Variants in RALGPS2 observed in about 807,000 individuals in gnomAD.
The protein encoded by RALGPS2 is ras-specific guanine nucleotide-releasing factor RalGPS2.
A neutral mutation model predicts 86.8 loss-of-function variants in RALGPS2; 43 were observed. That is an observed-to-expected ratio of 0.50 (90% CI 0.39 to 0.64). RALGPS2 has a LOEUF of 0.64. RALGPS2 is among the 30% of genes least tolerant of loss of function. RALGPS2 has a pLI of 0.00. For missense variants in RALGPS2, 536 were observed against 694.6 expected (o/e 0.77, Z 2.57); for synonymous variants, 243 against 231.3 (o/e 1.05, Z -0.46).
intron 1 of RALGPS2, chr1:178,753,625 G>A (rs749613071): frequency 5.9e-5 from 9 of 152,086 alleles, no homozygotes; most frequent in South Asian, 4.1e-4. Flanking sequence ...ATGTTGTAGC[G>A]TAATGTTCAC....
chr1:178,797,264 A>G (rs1453277454), intron 4 of RALGPS2, among the ~76,000 whole-genome samples: 1 of 152,150 alleles, frequency 6.6e-6, no homozygotes, highest in Non-Finnish European at 1.5e-5. Context: ...TTGGAGGAAG[A>G]TCTTAGAATC....
At chr1:178,867,522 C>A in intron 8 of RALGPS2, among the ~76,000 whole-genome samples, 1 of 152,028 alleles carries the variant, frequency 6.6e-6, no homozygotes, top group East Asian at 1.9e-4. Context: ...GGGATTCAAA[C>A]CTTCTACTCC....
chr1:178,736,812 A>G (rs1012328760), intron 1 of RALGPS2, among the ~76,000 whole-genome samples: 1 of 152,036 alleles, frequency 6.6e-6, no homozygotes. Context: ...GAGGCTGGAG[A>G]ATTGGAGTCC....
chr1:178,741,204 G>A (rs942634184), intron 1 of RALGPS2, among the ~76,000 whole-genome samples: 1 of 152,252 alleles, frequency 6.6e-6, no homozygotes, highest in South Asian at 2.1e-4. Context: ...AATACACTGA[G>A]CATTTAATAG....
At chr1:178,856,394 A>AT (rs71108081) in intron 8 of RALGPS2, among the ~76,000 whole-genome samples, 1,189 of 36,374 alleles carry the variant, frequency 0.033, 204 homozygotes, top group Middle Eastern at 0.074. Context: ...TGCCTGGCTA[A>AT]TTTTTTTTTT....
intron 1 of RALGPS2, among the ~76,000 whole-genome samples, chr1:178,748,258 TGTG>T (rs1651451342): frequency 6.7e-6 from 1 of 150,356 alleles, no homozygotes; most frequent in African/African-American, 2.5e-5. Flanking sequence ...AGGTGGAGGT[TGTG>T]GTGAGCCAAG....
chr1:178,856,554 G>C (rs1008872722), intron 8 of RALGPS2, among the ~76,000 whole-genome samples: 1 of 151,000 alleles, frequency 6.6e-6, no homozygotes. Context: ...ACTCCACCCA[G>C]CCTTTACATT....
chr1:178,850,631 T>G (rs1416487995), intron 8 of RALGPS2: 1 of 152,338 alleles, frequency 6.6e-6, no homozygotes, highest in Non-Finnish European at 1.5e-5. Context: ...AAATTCAATT[T>G]GAAATAACTT....
rs189626481 is a variant in RALGPS2 at position 178,786,486 on chromosome 1, T to C, written c.213+879T>C. ...AATGAAAACAAAGGGACTGGCGTTA[T>C]GCATCTATCCACTATAAGCATGGGG... On this transcript the variant is annotated intron_variant, in intron 4 of 19. Transcript: ENST00000367635. Among the ~76,000 whole-genome samples, 1,077 of 152,122 alleles carry C rather than the reference T, an allele frequency of 7.1e-3. 6 individuals are homozygous for C. The highest frequency in any genetic ancestry group is 9.7e-3 in the Non-Finnish European group (662 of 67,906).
chr1:178,869,208 G>T (rs552046034), intron 8 of RALGPS2: 1 of 152,144 alleles, frequency 6.6e-6, no homozygotes, highest in South Asian at 2.1e-4. Context: ...TCTCTTCATA[G>T]TTGCTATATT....
rs3753534 is a variant in RALGPS2, at chr1:178,889,624, G to T, written c.1193-18G>T. ...GGTAATTCTGATGTTTAAAAAATAG[G>T]ATAACTTTTCATTTTAGGTAGCAGC... is the stretch of plus-strand genomic sequence containing the variant. On this transcript the variant is annotated intron_variant, in intron 13 of 19. Transcript: ENST00000367635. The T allele has an allele frequency of 1.9e-6, 3 of 1,565,726 alleles. No homozygotes were observed. The highest frequency in any genetic ancestry group is 1.7e-5 in the Admixed American group (1 of 58,148).
intron 8 of RALGPS2, among the ~76,000 whole-genome samples, chr1:178,874,121 A>G (rs1290505325): frequency 6.6e-6 from 1 of 152,172 alleles, no homozygotes; most frequent in East Asian, 1.9e-4. Flanking sequence ...AATGTCGGGG[A>G]AAAAATAAGG....
intron 7 of RALGPS2, among the ~76,000 whole-genome samples, chr1:178,825,557 G>C (rs1417305498): frequency 6.6e-6 from 1 of 152,078 alleles, no homozygotes; most frequent in Non-Finnish European, 1.5e-5. Context: ...TAATAATTTT[G>C]GTTCATGGAT....
chr1:178,882,244 A>G (rs1659289213), intron 10 of RALGPS2, among the ~76,000 whole-genome samples: 1 of 152,182 alleles, frequency 6.6e-6, no homozygotes, highest in South Asian at 2.1e-4. Flanking sequence ...TTTTGGTGCC[A>G]TTGGGAAATG....
At chr1:178,813,787 C>T (rs1313909824) in intron 6 of RALGPS2, among the ~76,000 whole-genome samples, 2 of 152,056 alleles carry the variant, frequency 1.3e-5, no homozygotes, top group Non-Finnish European at 2.9e-5. Context: ...AATGTTAAAG[C>T]CTTTCAACTG....
At position 178,804,253 on chromosome 1, in the gene RALGPS2, CTT is replaced by C. The variant is rs11302348; in HGVS notation, c.214-3777_214-3776del. 6.9e-3 allele frequency among the ~76,000 whole-genome samples: 910 copies of C among 132,070 alleles called. 17 individuals are homozygous for C. The highest frequency in any genetic ancestry group is 0.024 in the African/African-American group (862 of 36,314). 86.6% of individuals were successfully genotyped at this position (132,070 alleles called of 152,430 possible). A position where few individuals can be genotyped will look rare whatever the true frequency, so the allele number is the denominator to read the frequency against. On this transcript the variant is annotated intron_variant, in intron 4 of 19. Transcript: ENST00000367635. ...CACCCAGATCTCTTAGCTGTTTCTT[CTT>C]TTTTTTTTTTTTTTAATTAATTGAT...
At chr1:178,905,378 GT>G (rs903155709) in intron 18 of RALGPS2, among the ~76,000 whole-genome samples, 1 of 152,062 alleles carries the variant, frequency 6.6e-6, no homozygotes, top group Non-Finnish European at 1.5e-5. Flanking sequence ...TATACTAATG[GT>G]TTTTTGCGGG....
At position 178,864,855 on chromosome 1, in the gene RALGPS2, A is replaced by G. The variant is rs1471008081; in HGVS notation, c.608-12643A>G. On this transcript the variant is annotated intron_variant, in intron 8 of 19. Coordinates refer to ENST00000367635, the MANE Select transcript of RALGPS2 (RefSeq NM_152663.5). ...ATAGAAATTTTAATGTACATATATA[A>G]CATCGCAAAATGAATAAGCATTTAT... 2.8e-5 allele frequency: 22 copies of G among 789,330 alleles called. 1 individual carries two copies. The Admixed American group carries it at 7.2e-4, about 26-fold the overall frequency. 48.9% of individuals were successfully genotyped at this position (789,330 alleles called of 1,614,324 possible).
intron 8 of RALGPS2, among the ~76,000 whole-genome samples, chr1:178,834,508 G>C (rs1367870489): frequency 1.3e-5 from 2 of 152,186 alleles, no homozygotes; most frequent in South Asian, 2.1e-4. Flanking sequence ...TCCCAGAGAA[G>C]AGTTTAACTC....
Sources: allele counts gnomAD v4.1 joint callset (sites outside exome capture counted in the v4.1 genomes callset), GRCh38; gene constraint gnomAD v4.1.1; transcripts MANE v1.5; gene names NCBI Gene and HGNC (gene_info 2026-07-23, HGNC 2026-07-21).